Variants in SORBS2 observed in about 807,000 individuals in gnomAD.
SORBS2 encodes sorbin and SH3 domain containing 2, also known as sorbin and SH3 domain-containing protein 2.
Under a neutral mutation model 97.7 loss-of-function variants are expected in SORBS2, and 46 were observed. That is an observed-to-expected ratio of 0.47 (90% CI 0.37 to 0.60). The LOEUF is 0.60. Among genes scored for constraint, SORBS2 ranks in the 20% least tolerant of loss-of-function variants. SORBS2 has a pLI of 0.00. For synonymous variants in SORBS2, 476 were observed against 473.4 expected (o/e 1.01, Z -0.07); for missense variants, 1,316 against 1,282.3 (o/e 1.03, Z -0.40).
chr4:185,825,444 T>C (rs2099199250), intron 1 of SORBS2, among the ~76,000 whole-genome samples: 1 of 152,248 alleles, frequency 6.6e-6, no homozygotes, highest in African/African-American at 2.4e-5. Flanking sequence ...CTGATTTTAA[T>C]ACTATGCAGA....
intron 1 of SORBS2, among the ~76,000 whole-genome samples, chr4:185,865,359 C>T (rs1198871586): frequency 2.0e-5 from 3 of 152,104 alleles, no homozygotes; most frequent in Non-Finnish European, 4.4e-5. Context: ...ACTCCTTGCC[C>T]CACTCCCCCA....
chr4:185,949,202 A>T (rs997950259), intron 1 of SORBS2, among the ~76,000 whole-genome samples: 4 of 152,234 alleles, frequency 2.6e-5, no homozygotes, highest in African/African-American at 9.6e-5. Flanking sequence ...GTACGGCTAG[A>T]GAATAAAATT....
At chr4:185,722,103 C>A (rs1415810114) in intron 2 of SORBS2, among the ~76,000 whole-genome samples, 2 of 152,160 alleles carry the variant, frequency 1.3e-5, no homozygotes. Flanking sequence ...ACAAACAGTG[C>A]TTCAGAACTA....
At chr4:185,638,130 T>C (rs1385784978) in intron 4 of SORBS2, 2 of 1,611,660 alleles carry the variant, frequency 1.2e-6, no homozygotes, top group African/African-American at 1.3e-5. Context: ...GCTCATTTTC[T>C]AAATCTATGT....
At chr4:185,840,590 GA>G (rs553315197) in intron 1 of SORBS2, among the ~76,000 whole-genome samples, 12 of 150,830 alleles carry the variant, frequency 8.0e-5, no homozygotes, top group Admixed American at 2.6e-4. Flanking sequence ...GTGACTCTTG[GA>G]AAAAAAAATA....
At chr4:185,849,999 C>T (rs185757052) in intron 1 of SORBS2, among the ~76,000 whole-genome samples, 1 of 152,340 alleles carries the variant, frequency 6.6e-6, no homozygotes, top group African/African-American at 2.4e-5. Context: ...CACACCCACC[C>T]TGGCAATGAC....
intron 12 of SORBS2, among the ~76,000 whole-genome samples, chr4:185,603,624 T>G (rs990545862): frequency 6.6e-6 from 1 of 152,142 alleles, no homozygotes; most frequent in African/African-American, 2.4e-5. Flanking sequence ...AATGTGAGGG[T>G]GAGCTATTGT....
chr4:185,720,853 G>A (rs558328585), intron 2 of SORBS2, among the ~76,000 whole-genome samples: 1 of 152,070 alleles, frequency 6.6e-6, no homozygotes, highest in Non-Finnish European at 1.5e-5. Context: ...CCTTGAACCA[G>A]GACCTTAAAA....
At chr4:185,917,254 T>C (rs529616948) in intron 1 of SORBS2, among the ~76,000 whole-genome samples, 3 of 152,266 alleles carry the variant, frequency 2.0e-5, no homozygotes, top group Non-Finnish European at 4.4e-5. Context: ...TGAAACAGGG[T>C]CTAACTCTGT....
At chr4:185,662,390 A>C in intron 4 of SORBS2, 148 bp from the exon 8 acceptor site, 1 of 775,746 alleles carries the variant, frequency 1.3e-6, no homozygotes. Context: ...GTCAGAGGGC[A>C]TGCTACATTC....
chr4:185,846,135 C>T (rs1344381605), intron 1 of SORBS2, among the ~76,000 whole-genome samples: 1 of 152,132 alleles, frequency 6.6e-6, no homozygotes, highest in Non-Finnish European at 1.5e-5. Flanking sequence ...TCACTAAAAC[C>T]TGGAAACAAC....
At chr4:185,639,074 G>A in intron 4 of SORBS2, 39 bp from the exon 14 acceptor site, 1 of 1,488,544 alleles carries the variant, frequency 6.7e-7, no homozygotes. Flanking sequence ...TTCATTAGAT[G>A]GAGGCTCTGG....
At chr4:185,694,570 C>A (rs973666562) in intron 2 of SORBS2, among the ~76,000 whole-genome samples, 2 of 152,276 alleles carry the variant, frequency 1.3e-5, no homozygotes, top group South Asian at 2.1e-4. Flanking sequence ...TTAGAGTAGC[C>A]TCCACTGTCA....
At position 185,606,925 on chromosome 4, in the gene SORBS2, C is replaced by T; in HGVS notation, c.2796+4855G>A. ...TGGTGCCTTTTTAGGGTCTGAGAAG[C>T]CCCTTCTCATTTTTCTCAACTCTGC... On this transcript the variant is annotated intron_variant, in intron 12 of 14. Coordinates refer to ENST00000418609, the Ensembl canonical transcript of SORBS2. This position sits in a 1 kb window ranked among gnomAD's most constrained non-coding sequence, Gnocchi z 4.3. 1 of 990,830 alleles carries T rather than the reference C, an allele frequency of 1.0e-6. No homozygotes were observed. Among genetic ancestry groups the T allele is most frequent in the Non-Finnish European group, 1.2e-6 (1 of 832,998 alleles). 61.4% of individuals were successfully genotyped at this position (990,830 alleles called of 1,614,324 possible).
intron 2 of SORBS2, among the ~76,000 whole-genome samples, chr4:185,713,464 A>T (rs1487490164): frequency 6.6e-6 from 1 of 152,212 alleles, no homozygotes; most frequent in Non-Finnish European, 1.5e-5. Context: ...AGAGACTTTC[A>T]TCAGGAGAAC....
chr4:185,615,180 T>G, intron 9 of SORBS2, 21 bp from the exon 22 acceptor site: 1 of 1,411,506 alleles, frequency 7.1e-7, no homozygotes. Context: ...CACGTTGACA[T>G]GGTCTTTTTG....
At chr4:185,860,911 G>A (rs867839152) in intron 1 of SORBS2, among the ~76,000 whole-genome samples, 15 of 152,266 alleles carry the variant, frequency 9.9e-5, no homozygotes, top group East Asian at 5.8e-4. Context: ...GGTGGTAAAT[G>A]TTCCTTATCA....
At position 185,866,545 on chromosome 4, in the gene SORBS2, A is replaced by G. The variant is rs2099226980; in HGVS notation, c.-338+89651T>C. Among the ~76,000 whole-genome samples the G allele has an allele frequency of 3.9e-5, 6 of 152,228 alleles. No homozygotes were observed. The South Asian group carries it at 1.2e-3, about 31-fold the overall frequency. Reference sequence around the variant, plus strand: ...TCCTGTTTCTTGTTCCATCCTATACAGTGGAGGTAATAACGGATTCGCTTG... The same window carrying G: ...TCCTGTTTCTTGTTCCATCCTATACGGTGGAGGTAATAACGGATTCGCTTG... On this transcript the variant is annotated intron_variant, in intron 1 of 20. Coordinates refer to the SORBS2 transcript ENST00000284776.
intron 12 of SORBS2, among the ~76,000 whole-genome samples, chr4:185,604,156 G>C (rs768230719): frequency 6.6e-6 from 1 of 152,086 alleles, no homozygotes; most frequent in Non-Finnish European, 1.5e-5. Context: ...CCTCAATCTG[G>C]GTATAGCTGC....
Sources: allele counts gnomAD v4.1 joint callset (sites outside exome capture counted in the v4.1 genomes callset), GRCh38; gene constraint gnomAD v4.1.1; non-coding constraint Gnocchi (gnomAD v3.1); transcripts MANE v1.5; gene names NCBI Gene and HGNC (gene_info 2026-07-23, HGNC 2026-07-21).